The following GRIK4 variants were observed in gnomAD, a reference collection of about 807,000 sequenced individuals.
GRIK4 encodes glutamate receptor ionotropic, kainate 4.
A neutral mutation model predicts 104.9 loss-of-function variants in GRIK4; 40 were observed. That is an observed-to-expected ratio of 0.38 (90% CI 0.30 to 0.50). The LOEUF (loss-of-function observed/expected upper bound fraction) is 0.50, where lower values mean the gene tolerates loss of function less well. Ranked by LOEUF, GRIK4 falls within the 20% of genes least tolerant of loss-of-function variation. GRIK4 has a pLI of 0.93. For missense variants in GRIK4, 1,047 were observed against 1,308.1 expected (o/e 0.80, Z 3.08); for synonymous variants, 485 against 524.9 (o/e 0.92, Z 1.04).
In GRIK4 at chr11:120,987,201, G is replaced by T. The variant is rs996516031; in HGVS notation, c.*941G>T. On this transcript the variant is annotated 3_prime_UTR_variant, in exon 21 of 21. Transcript: ENST00000527524. Reference sequence around the variant, plus strand: ...GAACAGAATGCACAAAGTATCCTAGGACTTTGTTTAAGGAGCGGAAAGAGC... The same window carrying T: ...GAACAGAATGCACAAAGTATCCTAGTACTTTGTTTAAGGAGCGGAAAGAGC... The T allele has an allele frequency of 6.6e-6, 1 of 152,238 alleles. No individual in the cohort carries two copies. Among genetic ancestry groups the T allele is most frequent in the Non-Finnish European group, 1.5e-5 (1 of 68,050 alleles). 9.4% of individuals were successfully genotyped at this position (152,238 alleles called of 1,614,324 possible). A position where few individuals can be genotyped will look rare whatever the true frequency, so the allele number is the denominator to read the frequency against.
intron 11 of GRIK4, among the ~76,000 whole-genome samples, chr11:120,884,331 G>C (rs1955057080): frequency 6.6e-6 from 1 of 152,234 alleles, no homozygotes; most frequent in South Asian, 2.1e-4. Flanking sequence ...GACTATCTAT[G>C]TATCTGTCTA....
Position 120,903,105 on chromosome 11 carries a change from A to C in GRIK4, c.1273-2185A>C, listed in dbSNP as rs1028007655. On this transcript the variant is annotated intron_variant, in intron 12 of 20. Coordinates refer to ENST00000527524, the MANE Select transcript of GRIK4 (RefSeq NM_014619.5). This position sits in a 1 kb window ranked among gnomAD's most constrained non-coding sequence, Gnocchi z 4.4. ...CTTCTCAGAACGAGCTCAGCCCATC[A>C]GGATTTCAGTGCTTTCCTCTCTGGG... Among the ~76,000 whole-genome samples the C allele has an allele frequency of 4.9e-4, 75 of 152,076 alleles. No homozygotes were observed. The highest frequency in any genetic ancestry group is 1.5e-3 in the African/African-American group (62 of 41,392).
At chr11:120,669,700 C>T (rs1051168309) in intron 3 of GRIK4, among the ~76,000 whole-genome samples, 4 of 152,250 alleles carry the variant, frequency 2.6e-5, no homozygotes, top group Non-Finnish European at 4.4e-5. Flanking sequence ...CTTGTTCTTG[C>T]ACTGTTTCTG....
intron 19 of GRIK4, among the ~76,000 whole-genome samples, chr11:120,975,241 G>A (rs1944541882): frequency 6.6e-6 from 1 of 152,138 alleles, no homozygotes; most frequent in African/African-American, 2.4e-5. Flanking sequence ...GCAAGAGTGG[G>A]GGTGAGTGAT....
At chr11:120,890,987 C>T (rs1029688729) in intron 11 of GRIK4, among the ~76,000 whole-genome samples, 3 of 152,194 alleles carry the variant, frequency 2.0e-5, no homozygotes, top group African/African-American at 7.2e-5. Context: ...TGCGTGCACA[C>T]CCACAGATGC....
At chr11:120,735,930 A>T (rs1006273044) in intron 3 of GRIK4, among the ~76,000 whole-genome samples, 2 of 152,162 alleles carry the variant, frequency 1.3e-5, no homozygotes, top group Admixed American at 6.5e-5. Context: ...TCCTAGGGCC[A>T]GTTAGCTCCC....
At chr11:120,901,121 C>G (rs560205028) in intron 12 of GRIK4, among the ~76,000 whole-genome samples, 3 of 152,308 alleles carry the variant, frequency 2.0e-5, no homozygotes, top group Admixed American at 1.3e-4. Context: ...GCCTGTCCCC[C>G]GACCCTCCTG....
chr11:120,859,581 A>G (rs1240421170), intron 8 of GRIK4, among the ~76,000 whole-genome samples: 2 of 152,058 alleles, frequency 1.3e-5, no homozygotes, highest in African/African-American at 4.8e-5. Flanking sequence ...GGAAGAGGAC[A>G]TTTTCCAGCC....
chr11:120,699,274 A>G (rs555881844), intron 3 of GRIK4, among the ~76,000 whole-genome samples: 21 of 152,302 alleles, frequency 1.4e-4, no homozygotes, highest in Non-Finnish European at 2.5e-4. Context: ...GTCTGCTTTA[A>G]GGAAAGATCA....
intron 1 of GRIK4, among the ~76,000 whole-genome samples, chr11:120,566,968 ATTTTTTTTTTTT>A (rs572433053): frequency 2.0e-5 from 2 of 99,728 alleles, no homozygotes; most frequent in Non-Finnish European, 3.8e-5. Flanking sequence ...CGGCCTCCTA[ATTTTTTTTTTTT>A]TTTTTTTTTT....
At position 120,914,560 on chromosome 11, in the gene GRIK4, G is replaced by A. The variant is rs75737503; in HGVS notation, c.1476+9067G>A. 2.2e-3 allele frequency among the ~76,000 whole-genome samples: 339 copies of A among 152,268 alleles called. 2 individuals carry two copies. The highest frequency in any genetic ancestry group is 8.0e-3 in the African/African-American group (333 of 41,522). On this transcript the variant is annotated intron_variant, in intron 13 of 20. Coordinates refer to ENST00000527524, the MANE Select transcript of GRIK4 (RefSeq NM_014619.5). ...CAAGAAGGATCGCCTTGGCAGAAAA[G>A]GATATTATATTCTAGGTGAGGTGGA...
At chr11:120,773,126 T>C (rs987359258) in intron 3 of GRIK4, among the ~76,000 whole-genome samples, 3 of 152,194 alleles carry the variant, frequency 2.0e-5, no homozygotes, top group Admixed American at 1.3e-4. Context: ...TCACTTGTTT[T>C]TGATGGTCAA....
At chr11:120,871,850 T>A (rs1377637287) in intron 9 of GRIK4, 2 of 456,206 alleles carry the variant, frequency 4.4e-6, no homozygotes, top group Non-Finnish European at 8.8e-6. Flanking sequence ...CAGGTAGTTT[T>A]GTGATGCGGG....
At chr11:120,904,906 C>T (rs1050418753) in intron 12 of GRIK4, among the ~76,000 whole-genome samples, 1 of 152,198 alleles carries the variant, frequency 6.6e-6, no homozygotes, top group Non-Finnish European at 1.5e-5. Flanking sequence ...TCTTACCTAG[C>T]CTGCTTATTG....
At chr11:120,769,317 G>A (rs1273132212) in intron 3 of GRIK4, among the ~76,000 whole-genome samples, 2 of 151,940 alleles carry the variant, frequency 1.3e-5, no homozygotes, top group Non-Finnish European at 2.9e-5. Context: ...TCAGCCTCTA[G>A]GTTGAAAAAT....
At chr11:120,930,751 T>A (rs509566) in intron 13 of GRIK4, among the ~76,000 whole-genome samples, 126,209 of 152,132 alleles carry the variant, frequency 0.83, 55,038 homozygotes, top group East Asian at 0.99. Flanking sequence ...TGGAGTAAAT[T>A]TAACTGCAGA....
intron 1 of GRIK4, among the ~76,000 whole-genome samples, chr11:120,616,216 C>T (rs1203702478): frequency 6.6e-6 from 1 of 152,152 alleles, no homozygotes; most frequent in Non-Finnish European, 1.5e-5. Flanking sequence ...TGTGGACTGA[C>T]CCATATTTGA....
intron 1 of GRIK4, among the ~76,000 whole-genome samples, chr11:120,572,109 T>G (rs1361985802): frequency 6.6e-6 from 1 of 152,196 alleles, no homozygotes; most frequent in Non-Finnish European, 1.5e-5. Flanking sequence ...GGATTGCAGA[T>G]GGCCATCTTC....
intron 13 of GRIK4, among the ~76,000 whole-genome samples, chr11:120,938,488 CGTGAATTG>C (rs1388503569): frequency 6.6e-6 from 1 of 152,098 alleles, no homozygotes; most frequent in Admixed American, 6.6e-5. Flanking sequence ...TGGGGTGGAA[CGTGAATTG>C]GTGATGGAGG....
Sources: allele counts gnomAD v4.1 joint callset (sites outside exome capture counted in the v4.1 genomes callset), GRCh38; gene constraint gnomAD v4.1.1; non-coding constraint Gnocchi (gnomAD v3.1); transcripts MANE v1.5; gene names NCBI Gene and HGNC (gene_info 2026-07-23, HGNC 2026-07-21).